The following SGCD variants were observed in gnomAD, a reference collection of about 807,000 sequenced individuals.
The protein encoded by SGCD is delta-sarcoglycan.
Under a neutral mutation model 36.6 loss-of-function variants are expected in SGCD, and 18 were observed. That is an observed-to-expected ratio of 0.49 (90% CI 0.34 to 0.73). The LOEUF (loss-of-function observed/expected upper bound fraction) is 0.73. Ranked by LOEUF, SGCD falls within the 30% of genes least tolerant of loss-of-function variation. SGCD has a pLI of 0.01. For missense variants in SGCD, 387 were observed against 346.7 expected, an observed-to-expected ratio of 1.12 and a Z score of -0.92; for synonymous variants, 133 against 130.6, an observed-to-expected ratio of 1.02 and a Z score of -0.12.
intron 3 of SGCD, among the ~76,000 whole-genome samples, chr5:156,275,654 C>G (rs1283416245): frequency 1.3e-5 from 2 of 152,086 alleles, no homozygotes; most frequent in African/African-American, 4.8e-5. Context: ...TGAAAGGGAT[C>G]TGAGGATTAG....
chr5:155,823,072 ATCTATC>A, the SGCD span, among the ~76,000 whole-genome samples: 8 of 141,108 alleles, frequency 5.7e-5, no homozygotes, highest in South Asian at 2.2e-4. Context: ...ATATCTATCT[ATCTATC>A]TATCTATCTA....
chr5:155,950,201 C>T (rs780820948), intron 1 of SGCD, among the ~76,000 whole-genome samples: 7 of 152,130 alleles, frequency 4.6e-5, no homozygotes, highest in Non-Finnish European at 7.4e-5. Context: ...GTCTCTACTC[C>T]GTTCTTTGAA....
intron 3 of SGCD, among the ~76,000 whole-genome samples, chr5:156,198,729 A>G (rs1054523381): frequency 6.6e-6 from 1 of 152,124 alleles, no homozygotes; most frequent in African/African-American, 2.4e-5. Flanking sequence ...ATCTCTCACA[A>G]CATCCTTCTT....
chr5:156,613,672 C>G (rs1486018015), intron 6 of SGCD, among the ~76,000 whole-genome samples: 2 of 152,210 alleles, frequency 1.3e-5, no homozygotes, highest in South Asian at 2.1e-4. Context: ...ATGAGAAACT[C>G]AGGGATAGAC....
intron 7 of SGCD, among the ~76,000 whole-genome samples, chr5:156,673,844 A>C (rs1753402734): frequency 6.6e-6 from 1 of 152,224 alleles, no homozygotes; most frequent in Admixed American, 6.5e-5. Flanking sequence ...GATTTTTGCC[A>C]TGACATGTGA....
chr5:156,228,334 A>G (rs375193557), intron 3 of SGCD, among the ~76,000 whole-genome samples: 1 of 152,070 alleles, frequency 6.6e-6, no homozygotes, highest in Non-Finnish European at 1.5e-5. Context: ...TGTTAGGTGC[A>G]TATATGTTTA....
chr5:156,481,760 A>G (rs1191972342), intron 3 of SGCD, among the ~76,000 whole-genome samples: 1 of 152,168 alleles, frequency 6.6e-6, no homozygotes, highest in Non-Finnish European at 1.5e-5. Flanking sequence ...TGTTTCATGG[A>G]AACATCTGAG....
intron 4 of SGCD, among the ~76,000 whole-genome samples, chr5:156,533,953 G>GA (rs1554113274): frequency 6.6e-6 from 1 of 151,306 alleles, no homozygotes; most frequent in Non-Finnish European, 1.5e-5. Flanking sequence ...CTTGGACAAA[G>GA]TTTTTTTTTC....
chr5:156,417,738 C>T (rs189089238), intron 3 of SGCD, among the ~76,000 whole-genome samples: 2 of 152,178 alleles, frequency 1.3e-5, no homozygotes, highest in African/African-American at 4.8e-5. Context: ...TTCTCAGAAG[C>T]CCTATACTTA....
intron 3 of SGCD, among the ~76,000 whole-genome samples, chr5:156,238,900 A>G (rs1765232255): frequency 6.6e-6 from 1 of 152,118 alleles, no homozygotes; most frequent in South Asian, 2.1e-4. Flanking sequence ...AATTCCTCAA[A>G]CAGTGCTCTC....
intron 3 of SGCD, among the ~76,000 whole-genome samples, chr5:156,285,286 C>T (rs1352180715): frequency 6.6e-6 from 1 of 152,164 alleles, no homozygotes; most frequent in Non-Finnish European, 1.5e-5. Context: ...CCCCATCAAG[C>T]TACCAATGAC....
intron 1 of SGCD, among the ~76,000 whole-genome samples, chr5:155,874,413 A>G (rs79580335): frequency 0.012 from 1,847 of 152,236 alleles, 49 homozygotes; most frequent in African/African-American, 0.043. Flanking sequence ...AAAGAACACA[A>G]AAGTATAAAG....
At chr5:155,991,165 GA>G (rs1758425131) in intron 1 of SGCD, among the ~76,000 whole-genome samples, 1 of 152,154 alleles carries the variant, frequency 6.6e-6, no homozygotes, top group Non-Finnish European at 1.5e-5. Flanking sequence ...AAAATGCTTA[GA>G]AAGTATAAAT....
intron 1 of SGCD, among the ~76,000 whole-genome samples, chr5:156,021,249 TTAAA>T (rs1424034903): frequency 2.4e-4 from 36 of 152,238 alleles, no homozygotes; most frequent in African/African-American, 8.4e-4. Context: ...TTAAAAAAGT[TTAAA>T]TAAATCATTT....
intron 3 of SGCD, among the ~76,000 whole-genome samples, chr5:156,218,580 GA>G (rs1764636284): frequency 6.6e-6 from 1 of 152,142 alleles, no homozygotes; most frequent in Admixed American, 6.5e-5. Flanking sequence ...ATTTTTGCCT[GA>G]ACCCTTTTTT....
intron 7 of SGCD, among the ~76,000 whole-genome samples, chr5:156,742,033 G>A (rs770875607): frequency 9.2e-5 from 14 of 151,932 alleles, no homozygotes; most frequent in Non-Finnish European, 2.1e-4. Flanking sequence ...CCACCACCAC[G>A]CCTGGCTAAT....
At chr5:156,573,458 T>C (rs1330231211) in intron 4 of SGCD, among the ~76,000 whole-genome samples, 2 of 152,200 alleles carry the variant, frequency 1.3e-5, no homozygotes, top group Non-Finnish European at 2.9e-5. Flanking sequence ...GTGTTTCATG[T>C]CCTAACTTTA....
intron 1 of SGCD, among the ~76,000 whole-genome samples, chr5:156,045,648 T>C (rs1759745653): frequency 6.6e-6 from 1 of 152,184 alleles, no homozygotes; most frequent in South Asian, 2.1e-4. Flanking sequence ...CATCAGTTTC[T>C]GGTGACAGTT....
intron 3 of SGCD, among the ~76,000 whole-genome samples, chr5:156,225,462 A>G (rs142939180): frequency 0.015 from 2,317 of 152,204 alleles, 26 homozygotes; most frequent in Non-Finnish European, 0.026. Flanking sequence ...CCAGTCAGAC[A>G]TTGAGGCCAT....
Sources: gnomAD v4.1 joint callset for allele counts (sites outside exome capture counted in the v4.1 genomes callset) on GRCh38, gnomAD v4.1.1 for gene constraint, MANE v1.5 for transcripts, NCBI Gene and HGNC (gene_info 2026-07-23, HGNC 2026-07-21) for gene names.